The following ZBTB17 variants were observed in gnomAD, a reference collection of about 807,000 sequenced individuals.
ZBTB17 encodes the protein zinc finger and BTB domain containing 17, also known as zinc finger and BTB domain-containing protein 17.
Under a neutral mutation model 85.1 loss-of-function variants are expected in ZBTB17, and 24 were observed. The observed-to-expected ratio is 0.28, with a 90% CI of 0.20 to 0.40. The LOEUF (loss-of-function observed/expected upper bound fraction) is 0.40. Ranked by LOEUF, ZBTB17 falls within the 10% of genes least tolerant of loss-of-function variation. The pLI is 1.00. For missense variants in ZBTB17, 743 were observed against 1,105.1 expected (o/e 0.67, Z 4.65); for synonymous variants, 464 against 460.2 (o/e 1.01, Z -0.11).
chr1:15,966,058 CA>C lies in ZBTB17; in HGVS notation c.-3+6980del, dbSNP rs1164593529. On this transcript the variant is annotated intron_variant, in intron 2 of 15. Transcript: ENST00000375743. This position sits in a 1 kb window ranked among gnomAD's most constrained non-coding sequence, Gnocchi z 4.1. ...TCTTTTGTATGGAGTCAACATTTAA[CA>C]AAAACGATTTACAAAATTAAACAAG... Among the ~76,000 whole-genome samples the C allele has an allele frequency of 6.6e-6, 1 of 152,176 alleles. No homozygotes were observed. Among genetic ancestry groups the C allele is most frequent in the Admixed American group, 6.5e-5 (1 of 15,290 alleles).
chr1:15,946,115 T>G (rs1570115596), intron 5 of ZBTB17, 39 bp downstream of exon 5: 1 of 1,600,802 alleles, frequency 6.2e-7, no homozygotes, highest in Non-Finnish European at 8.5e-7. Context: ...TGCTGGGAGG[T>G]GACAGGACAG....
intron 1 of ZBTB17, among the ~76,000 whole-genome samples, chr1:15,974,162 G>A (rs1269070581): frequency 1.3e-5 from 2 of 148,178 alleles, no homozygotes; most frequent in African/African-American, 5.0e-5. Context: ...CTGCACTCCA[G>A]CCTGGGTGAC....
chr1:15,971,061 G>A (rs1179721994), intron 2 of ZBTB17, among the ~76,000 whole-genome samples: 1 of 152,086 alleles, frequency 6.6e-6, no homozygotes, highest in Non-Finnish European at 1.5e-5. Flanking sequence ...TATCATGGTG[G>A]ACCAGAGGGA....
chr1:15,950,203 C>T (rs976147164), intron 2 of ZBTB17, among the ~76,000 whole-genome samples: 6 of 152,234 alleles, frequency 3.9e-5, no homozygotes, highest in African/African-American at 1.4e-4. Flanking sequence ...AGCACAGAGG[C>T]CTTTCTCTCC....
At position 15,951,581 on chromosome 1, in the gene ZBTB17, C is replaced by T. The variant is rs1173311099; in HGVS notation, c.-2-3084G>A. Among the ~76,000 whole-genome samples the T allele has an allele frequency of 3.3e-5, 5 of 152,148 alleles. No individual in the cohort carries two copies. Among genetic ancestry groups the T allele is most frequent in the African/African-American group, 1.2e-4 (5 of 41,412 alleles). On this transcript the variant is annotated intron_variant, in intron 2 of 15. Coordinates refer to ENST00000375743, the MANE Select transcript of ZBTB17 (RefSeq NM_003443.3). The surrounding 1 kb of genome is among the most constrained non-coding windows in gnomAD (Gnocchi z 4.1). ...TCCCCAGCCGGGAAGCTTTAACAGC[C>T]CCTCTCTCAAGGCCCGTGGCGAGAC...
intron 1 of ZBTB17, among the ~76,000 whole-genome samples, chr1:15,975,311 C>T (rs1284668503): frequency 5.3e-5 from 8 of 152,134 alleles, no homozygotes; most frequent in Non-Finnish European, 1.2e-4. Context: ...TAAACCCAGG[C>T]AGAGAGAAAA....
At position 15,943,183 on chromosome 1, in the gene ZBTB17, G is replaced by C. The variant is rs2071432969; in HGVS notation, c.1709C>G (p.Ser570Cys). ...CERCGKRFVQSSQLANHIRHH... is the reference protein window; with the variant it reads ...CERCGKRFVQCSQLANHIRHH... ...GCGAATATGATTGGCCAACTGGCTGGACTGGACGAATCTGTGGGGCCACAG... is the reference window on the plus strand; with the variant it reads ...GCGAATATGATTGGCCAACTGGCTGCACTGGACGAATCTGTGGGGCCACAG... The change falls in exon 13 of 16, where the codon TCC becomes TGC. Residue 570 changes from serine to cysteine, a missense_variant. Around this residue, in one of 4 missense-constraint regions of ZBTB17, gnomAD observed 321 missense variants for 615.7 expected, o/e 0.52. Coordinates refer to ENST00000375743, the MANE Select transcript of ZBTB17 (RefSeq NM_003443.3). 1 of 1,614,134 alleles carries C rather than the reference G, an allele frequency of 6.2e-7. No individual in the cohort carries two copies.
intron 2 of ZBTB17, among the ~76,000 whole-genome samples, chr1:15,969,390 C>T (rs550340597): frequency 1.3e-5 from 2 of 152,030 alleles, no homozygotes; most frequent in Non-Finnish European, 2.9e-5. Flanking sequence ...CCACCTCCCA[C>T]CCCCCACCCC....
At chr1:15,965,629 T>G (rs1375830184) in intron 2 of ZBTB17, among the ~76,000 whole-genome samples, 4 of 152,170 alleles carry the variant, frequency 2.6e-5, no homozygotes, top group Admixed American at 6.5e-5. Context: ...ATGTGAACAG[T>G]GGCACTGTTT....
chr1:15,943,106 C>G lies in ZBTB17; in HGVS notation c.1786G>C (p.Val596Leu). 6.2e-7 allele frequency: 1 copy of G among 1,614,146 alleles called. No individual in the cohort carries two copies. Among genetic ancestry groups the G allele is most frequent in the Non-Finnish European group, 8.5e-7 (1 of 1,180,014 alleles). Residue 596 changes from valine to leucine, a missense_variant, in exon 13 of 16, where the codon GTG becomes CTG. Physicochemically the swap from Val to Leu is conservative, Grantham distance 32. Around this residue, in one of 4 missense-constraint regions of ZBTB17, gnomAD observed 321 missense variants for 615.7 expected, o/e 0.52. Transcript: ENST00000375743. ...HKCSVCSKAF[V>L]NVGDLSKHII... ...TGCTTGGACAGGTCCCCCACGTTCA[C>G]GAAGGCCTTGCTGCACACGCTGCAC... is the stretch of plus-strand genomic sequence containing the variant.
At chr1:15,969,628 G>A (rs867271053) in intron 2 of ZBTB17, 89 of 438,690 alleles carry the variant, frequency 2.0e-4, no homozygotes, top group Admixed American at 3.1e-4. Context: ...AGGGCAGGGA[G>A]ATGATAAATT....
rs972974771 is a variant in ZBTB17 at position 15,969,753 on chromosome 1, C to T, written c.-3+3286G>A. On this transcript the variant is annotated intron_variant, in intron 2 of 15. Coordinates refer to ENST00000375743, the MANE Select transcript of ZBTB17 (RefSeq NM_003443.3). ...CTGTGGGAGCACTCACTGTGGGCCT[C>T]ATGGGACAGTGTCAAACAATGCGTG... 16 of 495,356 alleles carry T rather than the reference C, an allele frequency of 3.2e-5. No individual in the cohort carries two copies. In the Middle Eastern group the frequency reaches 1.5e-3, roughly 47 times the overall value. 30.7% of individuals were successfully genotyped at this position (495,356 alleles called of 1,614,324 possible).
At position 15,952,700 on chromosome 1, in the gene ZBTB17, G is replaced by GT. The variant is rs2071906237; in HGVS notation, c.-2-4204dup. 6.6e-6 allele frequency among the ~76,000 whole-genome samples: 1 copy of GT among 152,266 alleles called. No individual in the cohort carries two copies. Among genetic ancestry groups the GT allele is most frequent in the African/African-American group, 2.4e-5 (1 of 41,462 alleles). On this transcript the variant is annotated intron_variant, in intron 2 of 15. Coordinates refer to ENST00000375743, the MANE Select transcript of ZBTB17 (RefSeq NM_003443.3). This position sits in a 1 kb window ranked among gnomAD's most constrained non-coding sequence, Gnocchi z 4.3. ...GCTGGAGGAAAGTCCAAGCTCCCGT[G>GT]TGAGTGGGAGACACATGGAGGGGCT...
chr1:15,954,307 A>G (rs2071968696), intron 2 of ZBTB17, among the ~76,000 whole-genome samples: 1 of 152,194 alleles, frequency 6.6e-6, no homozygotes, highest in Non-Finnish European at 1.5e-5. Context: ...TATGCACTAA[A>G]CTACCTGCAG....
intron 2 of ZBTB17, among the ~76,000 whole-genome samples, chr1:15,961,822 G>A (rs2072269841): frequency 6.6e-6 from 1 of 152,246 alleles, no homozygotes; most frequent in African/African-American, 2.4e-5. Flanking sequence ...ATGGGATGGA[G>A]ACGGAGGCAC....
intron 2 of ZBTB17, among the ~76,000 whole-genome samples, chr1:15,962,110 G>A (rs1345872315): frequency 6.6e-6 from 1 of 152,164 alleles, no homozygotes; most frequent in Admixed American, 6.5e-5. Context: ...GGGAGGCTGA[G>A]GTGGAAGGAT....
chr1:15,972,858 G>A (rs2072734724), intron 2 of ZBTB17, among the ~76,000 whole-genome samples, 181 bp downstream of exon 2: 2 of 152,162 alleles, frequency 1.3e-5, no homozygotes, highest in African/African-American at 4.8e-5. Context: ...GCCTCTCTCT[G>A]CAGGTAAAAC....
Position 15,945,092 on chromosome 1 carries a change from C to G in ZBTB17, c.772G>C (p.Glu258Gln). 1 of 1,611,302 alleles carries G rather than the reference C, an allele frequency of 6.2e-7. No homozygotes were observed. Among genetic ancestry groups the G allele is most frequent in the Non-Finnish European group, 8.5e-7 (1 of 1,179,060 alleles). The change falls in exon 7 of 16, where the codon GAG becomes CAG. Residue 258 changes from glutamate (E) to glutamine (Q), a missense_variant. Physicochemically the swap from Glu to Gln is conservative, Grantham distance 29. Transcript: ENST00000375743. Reference protein sequence around the residue: ...AEVKEEGSQLENGEAPEENEN... With the variant: ...AEVKEEGSQLQNGEAPEENEN... ...TTCTCCTCGGGGGCCTCTCCGTTCTCCAGCTGGGAACCCTCCTCCTTGACC... is the reference window on the plus strand; with the variant it reads ...TTCTCCTCGGGGGCCTCTCCGTTCTGCAGCTGGGAACCCTCCTCCTTGACC...
intron 2 of ZBTB17, among the ~76,000 whole-genome samples, chr1:15,971,886 C>CTTT (rs34488066): frequency 3.1e-4 from 45 of 146,928 alleles, no homozygotes; most frequent in Non-Finnish European, 4.8e-4. Context: ...ATAGTCATTA[C>CTTT]TTTTTTTTTT....
Sources: gnomAD v4.1 joint callset for allele counts (sites outside exome capture counted in the v4.1 genomes callset) on GRCh38, gnomAD v4.1.1 for gene constraint, gnomAD v4.1.1 regional missense constraint, Gnocchi (gnomAD v3.1) non-coding constraint, MANE v1.5 for transcripts, NCBI Gene and HGNC (gene_info 2026-07-23, HGNC 2026-07-21) for gene names.